Variants in C9 observed in about 807,000 individuals in gnomAD.
C9 encodes complement component C9.
C9 carries 63 observed loss-of-function variants against 65.4 expected under a neutral mutation model. The observed-to-expected ratio is 0.96, with a 90% CI of 0.79 to 1.19. C9 has a LOEUF of 1.19. Among genes scored for constraint, C9 ranks in the 50% most tolerant of loss-of-function variants. The pLI is 0.00. For synonymous variants in C9, 229 were observed against 227.9 expected (o/e 1.00, Z -0.04); for missense variants, 744 against 670.1 (o/e 1.11, Z -1.22).
intron 6 of C9, among the ~76,000 whole-genome samples, chr5:39,313,266 G>A (rs1423065118): frequency 1.3e-5 from 2 of 152,114 alleles, no homozygotes; most frequent in Non-Finnish European, 1.5e-5. Context: ...CCCCTTCCCT[G>A]TTTTTCTTAA....
intron 9 of C9, among the ~76,000 whole-genome samples, chr5:39,290,715 G>A (rs1218971599): frequency 6.6e-6 from 1 of 151,772 alleles, no homozygotes; most frequent in African/African-American, 2.4e-5. Context: ...AGTATTCTAG[G>A]GCTACTAGTC....
intron 9 of C9, among the ~76,000 whole-genome samples, chr5:39,305,235 CCT>C (rs1385505929): frequency 1.3e-5 from 2 of 152,034 alleles, no homozygotes; most frequent in African/African-American, 4.8e-5. Flanking sequence ...CTTTTTTCCC[CCT>C]TTTTGTCCTA....
intron 3 of C9, 58 bp downstream of exon 3, chr5:39,341,497 CT>C: frequency 6.5e-7 from 1 of 1,543,298 alleles, no homozygotes; most frequent in Non-Finnish European, 8.9e-7. Context: ...TTTTTTTTTT[CT>C]TTTCATTCAG....
chr5:39,360,460 G>A (rs893464760), intron 1 of C9, among the ~76,000 whole-genome samples: 1 of 152,058 alleles, frequency 6.6e-6, no homozygotes, highest in Non-Finnish European at 1.5e-5. Context: ...TTTAAAAAGT[G>A]AAGAATAAAT....
intron 5 of C9, among the ~76,000 whole-genome samples, chr5:39,323,749 A>C (rs1199724674): frequency 6.6e-6 from 1 of 152,090 alleles, no homozygotes; most frequent in Non-Finnish European, 1.5e-5. Flanking sequence ...TTTTTATCAG[A>C]CGTCAGGAAC....
chr5:39,358,021 T>C (rs1331498384), intron 1 of C9, among the ~76,000 whole-genome samples: 1 of 152,066 alleles, frequency 6.6e-6, no homozygotes, highest in Non-Finnish European at 1.5e-5. Context: ...CCCAGCTGAT[T>C]GAGTCTTCCC....
At chr5:39,293,031 CA>C (rs150981661) in intron 9 of C9, among the ~76,000 whole-genome samples, 129 of 151,610 alleles carry the variant, frequency 8.5e-4, no homozygotes, top group African/African-American at 3.0e-3. Context: ...TGCTGGAGTT[CA>C]GGGGGAAGCA....
At chr5:39,359,078 GTATA>G (rs751500923) in intron 1 of C9, among the ~76,000 whole-genome samples, 1 of 116,938 alleles carries the variant, frequency 8.6e-6, no homozygotes, top group Non-Finnish European at 1.7e-5. Flanking sequence ...ATATGTGTGT[GTATA>G]TATATATGTG....
chr5:39,356,501 G>A (rs1008529065), intron 1 of C9, among the ~76,000 whole-genome samples: 1 of 152,214 alleles, frequency 6.6e-6, no homozygotes, highest in African/African-American at 2.4e-5. Flanking sequence ...ACGTCAGTGG[G>A]ACAGCCTGAC....
chr5:39,339,886 C>G (rs926695620), intron 4 of C9, among the ~76,000 whole-genome samples: 16 of 151,952 alleles, frequency 1.1e-4, no homozygotes, highest in Non-Finnish European at 1.8e-4. Context: ...GTCTCGATCT[C>G]CTGACTTCGT....
chr5:39,311,315 G>A lies in C9; in HGVS notation c.933C>T (p.Arg311=), dbSNP rs368212619. 5.1e-5 allele frequency: 82 copies of A among 1,611,710 alleles called. No individual in the cohort carries two copies. The highest frequency in any genetic ancestry group is 4.2e-4 in the East Asian group (19 of 44,866). ...CAAAAGTTGTTGTGAGCACAACATC[G>A]CGATTTCTCATTACAAATCTTCCCA... ...IHLGRFVMRN[R]DVVLTTTFVD... Residue 311 remains arginine, a synonymous_variant, in exon 7 of 11, where the codon CGC becomes CGT. Transcript: ENST00000263408.
At position 39,317,318 on chromosome 5, in the gene C9, G is replaced by C. The variant is rs567478908; in HGVS notation, c.616-1289C>G. On this transcript the variant is annotated intron_variant, in intron 5 of 10. Coordinates refer to ENST00000263408, the MANE Select transcript of C9 (RefSeq NM_001737.5). ...AGGTTGCCTGTTCACTCTGATGTTA[G>C]TTTCTTTTGCCGTGCAGAAGCTCTT... Among the ~76,000 whole-genome samples the C allele has an allele frequency of 1.3e-3, 203 of 152,206 alleles. 3 individuals are homozygous for C. Among genetic ancestry groups the C allele is most frequent in the African/African-American group, 4.8e-3 (198 of 41,532 alleles).
intron 1 of C9, among the ~76,000 whole-genome samples, chr5:39,346,247 A>G (rs1261315): frequency 6.6e-6 from 1 of 152,156 alleles, no homozygotes; most frequent in Non-Finnish European, 1.5e-5. Context: ...TTTTCTGAAA[A>G]GATCAACAAA....
At chr5:39,341,468 A>C in intron 3 of C9, 88 bp downstream of exon 3, 5 of 1,521,416 alleles carry the variant, frequency 3.3e-6, no homozygotes, top group Non-Finnish European at 4.6e-6. Context: ...TGGAAATCCA[A>C]GTGTCCAGAA....
chr5:39,304,954 G>A (rs1195174414), intron 9 of C9, among the ~76,000 whole-genome samples: 1 of 152,138 alleles, frequency 6.6e-6, no homozygotes, highest in Admixed American at 6.6e-5. Flanking sequence ...TCTAGAACGT[G>A]CTGAACTATT....
At chr5:39,339,651 C>CTTTT (rs550624256) in intron 4 of C9, among the ~76,000 whole-genome samples, 4 of 57,492 alleles carry the variant, frequency 7.0e-5, no homozygotes, top group African/African-American at 7.4e-5. Context: ...TCTTTTCTCT[C>CTTTT]TTTTTTTTTT....
intron 3 of C9, 107 bp from the exon 4 acceptor site, chr5:39,341,400 C>T (rs1372068418): frequency 1.4e-6 from 2 of 1,467,974 alleles, no homozygotes; most frequent in African/African-American, 2.8e-5. Flanking sequence ...ATCAGAAAAA[C>T]ACATTTGAGT....
At chr5:39,363,917 C>T (rs1366027052) in intron 1 of C9, among the ~76,000 whole-genome samples, 1 of 152,142 alleles carries the variant, frequency 6.6e-6, no homozygotes, top group Non-Finnish European at 1.5e-5. Context: ...CCTCTGAACA[C>T]AACTCAGGAT....
rs1754070402 is a variant in C9, at chr5:39,341,167, A to G, written c.455T>C (p.Leu152Pro). ...ACACCCATAGCCTGCTGTTCGTGCCAGCTCAGACTCTTCTACCACTCTGTC... is the reference window on the plus strand; with the variant it reads ...ACACCCATAGCCTGCTGTTCGTGCCGGCTCAGACTCTTCTACCACTCTGTC... ...CRDRVVEESE[L>P]ARTAGYGINI... The change falls in exon 4 of 11, where the codon CTG becomes CCG. Residue 152 changes from leucine (L) to proline (P), a missense_variant. Leu to Pro is a moderately conservative substitution (Grantham distance 98). Transcript: ENST00000263408. The G allele has an allele frequency of 6.2e-7, 1 of 1,614,114 alleles. No homozygotes were observed. Among genetic ancestry groups the G allele is most frequent in the African/African-American group, 1.3e-5 (1 of 74,952 alleles).
Sources: allele counts gnomAD v4.1 joint callset (sites outside exome capture counted in the v4.1 genomes callset), GRCh38; gene constraint gnomAD v4.1.1; transcripts MANE v1.5; gene names NCBI Gene and HGNC (gene_info 2026-07-23, HGNC 2026-07-21).